The following ATG4B variants were observed in gnomAD, a reference collection of about 807,000 sequenced individuals.
The protein encoded by ATG4B is autophagy related 4B cysteine peptidase.
ATG4B carries 29 observed loss-of-function variants against 56.6 expected under a neutral mutation model. The observed-to-expected ratio is 0.51, with a 90% CI of 0.38 to 0.70. The LOEUF (loss-of-function observed/expected upper bound fraction) is 0.70. ATG4B is among the 30% of genes least tolerant of loss of function. The probability of loss-of-function intolerance (pLI) is 0.00; values close to 1 mark genes in which losing one functional copy is unlikely to be tolerated. For missense variants in ATG4B, 461 were observed against 515.5 expected (o/e 0.89, Z 1.02); for synonymous variants, 224 against 206.1 (o/e 1.09, Z -0.74).
intron 3 of ATG4B, among the ~76,000 whole-genome samples, chr2:241,652,786 G>A (rs1211244446): frequency 2.0e-5 from 3 of 152,224 alleles, no homozygotes; most frequent in African/African-American, 4.8e-5. Context: ...TTTATTGTCC[G>A]TGCCAGTGCA....
intron 4 of ATG4B, among the ~76,000 whole-genome samples, chr2:241,654,335 C>G (rs182077448): frequency 6.7e-6 from 1 of 148,700 alleles, no homozygotes; most frequent in Non-Finnish European, 1.5e-5. Flanking sequence ...GCAGGAGAAT[C>G]GCTTGAACCC....
At chr2:241,659,651 C>T (rs560819749) in intron 7 of ATG4B, 3 of 298,172 alleles carry the variant, frequency 1.0e-5, no homozygotes, top group East Asian at 9.3e-5. Flanking sequence ...GGAACCTGGG[C>T]GTGGCAACAT....
Position 241,672,468 on chromosome 2 carries a change from G to T in ATG4B, c.*204G>T, listed in dbSNP as rs960056884. ...TCAGACTGCCCAGCTCAGAGTGCCC[G>T]TCAGGGCCTGTGCATCCGCACGCGG... On this transcript the variant is annotated 3_prime_UTR_variant, in exon 13 of 13. Coordinates refer to ENST00000404914, the MANE Select transcript of ATG4B (RefSeq NM_013325.5). 21 of 596,788 alleles carry T rather than the reference G, an allele frequency of 3.5e-5. No homozygotes were observed. The highest frequency in any genetic ancestry group is 5.1e-5 in the Non-Finnish European group (17 of 336,394). 37.0% of individuals were successfully genotyped at this position (596,788 alleles called of 1,614,324 possible). A position where few individuals can be genotyped will look rare whatever the true frequency, so the allele number is the denominator to read the frequency against.
rs2068943190 is a variant in ATG4B at position 241,670,785 on chromosome 2, T to C, written c.1014+3T>C. 1 of 1,607,148 alleles carries C rather than the reference T, an allele frequency of 6.2e-7. No individual in the cohort carries two copies. The highest frequency in any genetic ancestry group is 1.1e-5 in the South Asian group (1 of 89,824). ...ATTGGTGCCAGCAAGTCAAAAAGGT[T>C]TGTAGCCGCCCCACACCCACAGCCG... On this transcript the variant is annotated splice_donor_region_variant and intron_variant, in intron 11 of 12. Coordinates refer to ENST00000404914, the MANE Select transcript of ATG4B (RefSeq NM_013325.5).
At chr2:241,642,737 G>T (rs1216622928) in intron 1 of ATG4B, among the ~76,000 whole-genome samples, 4 of 151,022 alleles carry the variant, frequency 2.6e-5, no homozygotes, top group African/African-American at 4.9e-5. Context: ...AATGCCATCT[G>T]CCCTCTTCTG....
chr2:241,640,130 A>G (rs2067840725), intron 1 of ATG4B, among the ~76,000 whole-genome samples: 2 of 152,206 alleles, frequency 1.3e-5, no homozygotes, highest in African/African-American at 2.4e-5. Flanking sequence ...GAAAATCATC[A>G]TGTTCAAGTT....
chr2:241,665,409 C>G (rs762987266), intron 7 of ATG4B, among the ~76,000 whole-genome samples: 6 of 152,342 alleles, frequency 3.9e-5, no homozygotes, highest in Non-Finnish European at 7.4e-5. Flanking sequence ...GATTTGTGTT[C>G]CTGGTTGAGG....
In ATG4B at chr2:241,672,585, G is replaced by A. The variant is rs531835821; in HGVS notation, c.*321G>A. 21 of 369,140 alleles carry A rather than the reference G, an allele frequency of 5.7e-5. No individual in the cohort carries two copies. The highest frequency in any genetic ancestry group is 5.0e-4 in the South Asian group (13 of 26,200). The allele number at this position is 369,140 out of a possible 1,614,324, so 22.9% of individuals were successfully genotyped here. ...TCAGTCCCACTTGCTCCCAGGCGCC[G>A]GTTCTGTGGTTGGTTTGGAATTAAA... is the stretch of plus-strand genomic sequence containing the variant. On this transcript the variant is annotated 3_prime_UTR_variant, in exon 13 of 13. Coordinates refer to ENST00000404914, the MANE Select transcript of ATG4B (RefSeq NM_013325.5).
At position 241,673,796 on chromosome 2, in the gene ATG4B, C is replaced by G; in HGVS notation, c.*1532C>G. On this transcript the variant is annotated 3_prime_UTR_variant, in exon 13 of 13. Coordinates refer to ENST00000404914, the MANE Select transcript of ATG4B (RefSeq NM_013325.5). Reference sequence around the variant, plus strand: ...AAGGCTTAATGAAGAGAATGTTGTTCATTCTTAGTAGTATAGTTTGCAATT... The same window carrying G: ...AAGGCTTAATGAAGAGAATGTTGTTGATTCTTAGTAGTATAGTTTGCAATT... 2.2e-6 allele frequency: 1 copy of G among 452,936 alleles called. No individual in the cohort carries two copies. The highest frequency in any genetic ancestry group is 4.4e-6 in the Non-Finnish European group (1 of 225,484). 28.1% of individuals were successfully genotyped at this position (452,936 alleles called of 1,614,324 possible).
At chr2:241,666,606 AG>A in intron 7 of ATG4B, 38 bp from the exon 8 acceptor site, 1 of 1,604,410 alleles carries the variant, frequency 6.2e-7, no homozygotes, top group Non-Finnish European at 8.5e-7. Flanking sequence ...ACTTTTGCAC[AG>A]GTCTGCTTGG....
chr2:241,648,825 C>T (rs992478433), intron 1 of ATG4B, among the ~76,000 whole-genome samples: 5 of 152,142 alleles, frequency 3.3e-5, no homozygotes, highest in Non-Finnish European at 7.3e-5. Context: ...CTGCCTGCAC[C>T]GAGGGAGATG....
rs755452419 is a variant in ATG4B, at chr2:241,651,222, G to A, written c.113-42G>A. Reference sequence around the variant, plus strand: ...ATAACTTGTGACTTGCAAACTTAAGGCGTTGTGTGTGTGTGTTTTTTTTCT... The same window carrying A: ...ATAACTTGTGACTTGCAAACTTAAGACGTTGTGTGTGTGTGTTTTTTTTCT... On this transcript the variant is annotated intron_variant, in intron 2 of 12. Transcript: ENST00000404914. The surrounding 1 kb of genome is among the most constrained non-coding windows in gnomAD (Gnocchi z 4.1). The A allele has an allele frequency of 6.3e-5, 98 of 1,560,708 alleles. 1 individual carries two copies. The South Asian group carries it at 1.1e-3, about 18-fold the overall frequency.
chr2:241,673,837 TAA>T lies in ATG4B; in HGVS notation c.*1574_*1575del, dbSNP rs773981638. 1.6e-5 allele frequency: 7 copies of T among 424,556 alleles called. No individual in the cohort carries two copies. The highest frequency in any genetic ancestry group is 1.9e-5 in the Non-Finnish European group (4 of 206,688). 26.3% of individuals were successfully genotyped at this position (424,556 alleles called of 1,614,324 possible). Reference sequence around the variant, plus strand: ...GTTTGCAATTCTTAATGGCAAATAATAAGTTTCAGTAGAAAACAAACCTTGTG... The same window carrying T: ...GTTTGCAATTCTTAATGGCAAATAATGTTTCAGTAGAAAACAAACCTTGTG... On this transcript the variant is annotated 3_prime_UTR_variant, in exon 13 of 13. Coordinates refer to ENST00000404914, the MANE Select transcript of ATG4B (RefSeq NM_013325.5).
rs543657048 is a variant in ATG4B at position 241,637,967 on chromosome 2, C to T, written c.10+243C>T. On this transcript the variant is annotated intron_variant, in intron 1 of 12. Coordinates refer to ENST00000404914, the MANE Select transcript of ATG4B (RefSeq NM_013325.5). ...GCCGTCGGTTGCGCTGGAGCTTCTG[C>T]TTTTCCGGTCCCGTCCGGAGCGCTC... 3.1e-3 allele frequency among the ~76,000 whole-genome samples: 477 copies of T among 151,734 alleles called. 1 individual carries two copies. The highest frequency in any genetic ancestry group is 0.011 in the African/African-American group (458 of 41,482).
Position 241,668,531 on chromosome 2 carries a change from T to C in ATG4B, c.812-9T>C. ...GCCACCCACCTGCCCACCTGCCTCA[T>C]CCTCCCAGGTGAGGAGCTCATCTAC... On this transcript the variant is annotated splice_polypyrimidine_tract_variant and intron_variant, in intron 9 of 12. Coordinates refer to ENST00000404914, the MANE Select transcript of ATG4B (RefSeq NM_013325.5). The surrounding 1 kb of genome is among the most constrained non-coding windows in gnomAD (Gnocchi z 4.2). The C allele has an allele frequency of 6.2e-7, 1 of 1,606,708 alleles. No homozygotes were observed.
At chr2:241,666,268 G>GGCGTT (rs2068765292) in intron 7 of ATG4B, among the ~76,000 whole-genome samples, 1 of 152,236 alleles carries the variant, frequency 6.6e-6, no homozygotes, top group Non-Finnish European at 1.5e-5. Context: ...AGCGAGGAAA[G>GGCGTT]GCGTTGCTGA....
At chr2:241,645,797 T>A (rs577355607) in intron 1 of ATG4B, among the ~76,000 whole-genome samples, 441 of 151,638 alleles carry the variant, frequency 2.9e-3, no homozygotes, top group Non-Finnish European at 4.8e-3. Context: ...TTTCAGAGTG[T>A]CCGCCACTAG....
rs964395681 is a variant in ATG4B, at chr2:241,668,411, C to T, written c.812-129C>T. 7.0e-7 allele frequency: 1 copy of T among 1,430,682 alleles called. No homozygotes were observed. The highest frequency in any genetic ancestry group is 9.5e-7 in the Non-Finnish European group (1 of 1,047,480). 88.6% of individuals were successfully genotyped at this position (1,430,682 alleles called of 1,614,324 possible). ...TTCCCTGATGGTCTGGTGCCCTCGG[C>T]TCCCTCCCCACCTCCTGCCCACTGC... On this transcript the variant is annotated intron_variant, in intron 9 of 12. Transcript: ENST00000404914. This position sits in a 1 kb window ranked among gnomAD's most constrained non-coding sequence, Gnocchi z 4.2.
intron 7 of ATG4B, among the ~76,000 whole-genome samples, chr2:241,664,455 A>C (rs977697370): frequency 6.6e-6 from 1 of 152,054 alleles, no homozygotes; most frequent in Non-Finnish European, 1.5e-5. Flanking sequence ...GGAGGATCCC[A>C]TGAGCCTGGG....
Sources: allele counts gnomAD v4.1 joint callset (sites outside exome capture counted in the v4.1 genomes callset), GRCh38; gene constraint gnomAD v4.1.1; non-coding constraint Gnocchi (gnomAD v3.1); transcripts MANE v1.5; gene names NCBI Gene and HGNC (gene_info 2026-07-23, HGNC 2026-07-21).